MED12L: variants seen among roughly 807,000 people sequenced by gnomAD.
MED12L encodes mediator complex subunit 12L, also known as mediator of RNA polymerase II transcription subunit 12-like protein.
In MED12L, 60 loss-of-function variants were observed where a neutral mutation model predicts 281.3. The observed-to-expected ratio is 0.21, with a 90% CI of 0.17 to 0.26. The LOEUF (loss-of-function observed/expected upper bound fraction) is 0.26, where lower values mean the gene tolerates loss of function less well. MED12L is among the 10% of genes least tolerant of loss of function. MED12L has a pLI of 1.00. For synonymous variants in MED12L, 974 were observed against 987.2 expected, an observed-to-expected ratio of 0.99 and a Z score of 0.25; for missense variants, 2,146 against 2,680.9, an observed-to-expected ratio of 0.80 and a Z score of 4.41.
At chr3:151,368,624 TA>T (rs1289148677) in intron 25 of MED12L, among the ~76,000 whole-genome samples, 1 of 85,512 alleles carries the variant, frequency 1.2e-5, no homozygotes, top group Non-Finnish European at 2.2e-5. Context: ...TATTTTATTT[TA>T]TTTTATTTCA....
intron 9 of MED12L, 152 bp downstream of exon 9, chr3:151,164,194 A>C (rs750856918): frequency 1.1e-4 from 81 of 770,136 alleles, no homozygotes; most frequent in Non-Finnish European, 1.5e-4. Context: ...AGAATTGTTT[A>C]GCCTCTTCAG....
At chr3:151,396,897 T>G (rs1476052766) in intron 39 of MED12L, among the ~76,000 whole-genome samples, 2 of 152,208 alleles carry the variant, frequency 1.3e-5, no homozygotes, top group African/African-American at 4.8e-5. Context: ...GAAATTTTTT[T>G]AAAGCATTTA....
chr3:151,410,979 A>G (rs1716867859), intron 40 of MED12L, among the ~76,000 whole-genome samples: 1 of 152,144 alleles, frequency 6.6e-6, no homozygotes, highest in Non-Finnish European at 1.5e-5. Context: ...ATATAGAAAC[A>G]TGCCCTTCTC....
chr3:151,211,159 T>C (rs1485581084), intron 16 of MED12L, among the ~76,000 whole-genome samples: 1 of 152,254 alleles, frequency 6.6e-6, no homozygotes, highest in Non-Finnish European at 1.5e-5. Context: ...AATATCCTTA[T>C]CTGCAATCCA....
chr3:151,431,907 C>T (rs1200870613), intron 44 of MED12L, among the ~76,000 whole-genome samples: 4 of 152,186 alleles, frequency 2.6e-5, no homozygotes, highest in African/African-American at 7.2e-5. Context: ...AACTGAAGAA[C>T]GGGAACATTG....
chr3:151,334,270 C>T (rs1750713453), intron 16 of MED12L, among the ~76,000 whole-genome samples: 1 of 130,274 alleles, frequency 7.7e-6, no homozygotes, highest in Admixed American at 8.8e-5. Context: ...AAAAAAAAGG[C>T]GATTTCTCAC....
chr3:151,211,638 C>T (rs1293034651), intron 16 of MED12L, among the ~76,000 whole-genome samples: 1 of 152,040 alleles, frequency 6.6e-6, no homozygotes, highest in Non-Finnish European at 1.5e-5. Flanking sequence ...GGTTATAGGA[C>T]ATATGAAGTA....
At chr3:151,299,420 C>T (rs1484596928) in intron 16 of MED12L, among the ~76,000 whole-genome samples, 4 of 122,024 alleles carry the variant, frequency 3.3e-5, no homozygotes, top group Non-Finnish European at 6.8e-5. Context: ...CCCCTCCCCT[C>T]CCCCTCCTCT....
chr3:151,381,802 G>A (rs1712400158), intron 32 of MED12L, among the ~76,000 whole-genome samples: 1 of 152,068 alleles, frequency 6.6e-6, no homozygotes, highest in Non-Finnish European at 1.5e-5. Context: ...CCTTAGGGAG[G>A]GGTTCATTTC....
At chr3:151,361,841 A>G (rs914664971) in intron 21 of MED12L, among the ~76,000 whole-genome samples, 6 of 152,014 alleles carry the variant, frequency 3.9e-5, no homozygotes, top group Non-Finnish European at 8.8e-5. Flanking sequence ...AGCATCCCCA[A>G]CTTCCTGTCA....
At chr3:151,260,233 T>A (rs1199212715) in intron 16 of MED12L, among the ~76,000 whole-genome samples, 1 of 152,192 alleles carries the variant, frequency 6.6e-6, no homozygotes, top group East Asian at 1.9e-4. Context: ...CTAGCCTAAT[T>A]AAATTGTATG....
chr3:151,264,386 T>TA (rs1248215616), intron 16 of MED12L, among the ~76,000 whole-genome samples: 22 of 152,230 alleles, frequency 1.4e-4, no homozygotes, highest in African/African-American at 5.1e-4. Flanking sequence ...ACGAGGGCAG[T>TA]AGGAGTGTAT....
chr3:151,131,560 T>G (rs568606786), intron 5 of MED12L, among the ~76,000 whole-genome samples: 1 of 152,104 alleles, frequency 6.6e-6, no homozygotes, highest in Non-Finnish European at 1.5e-5. Flanking sequence ...TGAGCTGGGA[T>G]TGAGCCACTG....
chr3:151,213,290 G>A (rs191787749), intron 16 of MED12L: 1 of 1,584,342 alleles, frequency 6.3e-7, no homozygotes, highest in Admixed American at 1.8e-5. Flanking sequence ...CTTTGGAAGA[G>A]GGTAGGAACT....
rs1483677468 is a variant in MED12L, at chr3:151,350,087, A to T, written c.2279A>T (p.Gln760Leu). The change falls in exon 17 of 45, where the codon CAG becomes CTG. Residue 760 changes from glutamine (Q) to leucine (L), a missense_variant. Physicochemically the swap from Gln to Leu is moderately radical, Grantham distance 113 (BLOSUM62 -2). Around this residue, in one of 9 missense-constraint regions of MED12L, gnomAD observed 404 missense variants for 603.5 expected, o/e 0.67. Transcript: ENST00000687756. ...LDESSSHECN[Q>L]RTILLYGVGK... ...GAATCTTCAAGTCATGAATGTAACC[A>T]GCGCACAATCCTTCTCTATGGAGTC... is the stretch of plus-strand genomic sequence containing the variant. 6.2e-7 allele frequency: 1 copy of T among 1,612,838 alleles called. No homozygotes were observed. Among genetic ancestry groups the T allele is most frequent in the Admixed American group, 1.7e-5 (1 of 59,878 alleles).
At chr3:151,299,641 G>T (rs1745634945) in intron 16 of MED12L, among the ~76,000 whole-genome samples, 1 of 151,672 alleles carries the variant, frequency 6.6e-6, no homozygotes, top group East Asian at 1.9e-4. Context: ...ACCACACCTG[G>T]CTAATTTTTT....
At chr3:151,385,235 A>T in intron 36 of MED12L, 44 bp downstream of exon 36, 1 of 1,009,682 alleles carries the variant, frequency 9.9e-7, no homozygotes, top group Non-Finnish European at 1.5e-6. Context: ...TATTTACAAA[A>T]GATGAAATAC....
intron 5 of MED12L, among the ~76,000 whole-genome samples, chr3:151,137,573 C>A (rs1268887864): frequency 6.6e-6 from 1 of 152,198 alleles, no homozygotes; most frequent in African/African-American, 2.4e-5. Context: ...ACACACATAT[C>A]TGCATGTGTG....
At chr3:151,213,451 C>G (rs780730940) in intron 16 of MED12L, 1 of 1,614,178 alleles carries the variant, frequency 6.2e-7, no homozygotes, top group East Asian at 2.2e-5. Flanking sequence ...AGGGTCCAAG[C>G]ATACATTTGC....
Sources: allele counts gnomAD v4.1 joint callset (sites outside exome capture counted in the v4.1 genomes callset), GRCh38; gene constraint gnomAD v4.1.1; regional missense constraint gnomAD v4.1.1; transcripts MANE v1.5; gene names NCBI Gene and HGNC (gene_info 2026-07-23, HGNC 2026-07-21).